The following PARD3B variants were observed in gnomAD, a reference collection of about 807,000 sequenced individuals.
PARD3B encodes partitioning defective 3 homolog B.
A neutral mutation model predicts 130.2 loss-of-function variants in PARD3B; 103 were observed. The observed-to-expected ratio is 0.79, with a 90% CI of 0.67 to 0.93. The LOEUF is 0.93. PARD3B is among the 40% of genes least tolerant of loss of function. The probability of loss-of-function intolerance (pLI) is 0.00; values close to 1 mark genes in which losing one functional copy is unlikely to be tolerated. For missense variants in PARD3B, 1,609 were observed against 1,499.2 expected, an observed-to-expected ratio of 1.07 and a Z score of -1.21; for synonymous variants, 583 against 553.2, an observed-to-expected ratio of 1.05 and a Z score of -0.76.
chr2:204,572,222 G>C (rs2032042551), intron 1 of PARD3B, among the ~76,000 whole-genome samples: 1 of 152,298 alleles, frequency 6.6e-6, no homozygotes, highest in South Asian at 2.1e-4. Flanking sequence ...TGAGATGAAA[G>C]CTTTCTAAGA....
rs181805007 is a variant in PARD3B at position 205,113,504 on chromosome 2, A to G, written c.607A>G (p.Thr203Ala). 3.4e-5 allele frequency: 55 copies of G among 1,613,188 alleles called. No homozygotes were observed. The African/African-American group carries it at 5.6e-4, about 16-fold the overall frequency. ...TTTCTGCCCCAGTGATATGACAAGA[A>G]CAGTGGAGATTTCTGGGGAAGGAGG... Reference protein sequence around the residue: ...TKDTLSDMTRTVEISGEGGPL... With the variant: ...TKDTLSDMTRAVEISGEGGPL... Residue 203 changes from threonine (T) to alanine (A), a missense_variant, in exon 6 of 23, where the codon ACA (threonine) becomes GCA (alanine). Transcript: ENST00000406610.
At chr2:205,375,673 C>G (rs1228654164) in intron 18 of PARD3B, among the ~76,000 whole-genome samples, 1 of 151,958 alleles carries the variant, frequency 6.6e-6, no homozygotes, top group African/African-American at 2.4e-5. Context: ...AGAGAGAGAA[C>G]GCACATGTTT....
chr2:205,385,807 G>A (rs1389749334), intron 18 of PARD3B, among the ~76,000 whole-genome samples: 3 of 152,010 alleles, frequency 2.0e-5, no homozygotes, highest in Non-Finnish European at 2.9e-5. Flanking sequence ...GCATATATAC[G>A]TACATATAAA....
chr2:205,125,881 T>A lies in PARD3B; in HGVS notation c.1434+144T>A. The A allele has an allele frequency of 9.7e-6, 11 of 1,130,100 alleles. No individual in the cohort carries two copies. The highest frequency in any genetic ancestry group is 1.4e-5 in the Non-Finnish European group (11 of 800,430). 70.0% of individuals were successfully genotyped at this position (1,130,100 alleles called of 1,614,324 possible). On this transcript the variant is annotated intron_variant, in intron 10 of 22. Coordinates refer to ENST00000406610, the MANE Select transcript of PARD3B (RefSeq NM_001302769.2). The surrounding 1 kb of genome is among the most constrained non-coding windows in gnomAD (Gnocchi z 4.0). The stretch of plus-strand genomic sequence containing the variant: ...ATCACACTCAGGGTATTTTACCCCA[T>A]TTGGGGTATCGCATTTTTAAAACAT...
At chr2:204,580,049 GT>G (rs2032472369) in intron 1 of PARD3B, among the ~76,000 whole-genome samples, 2 of 152,080 alleles carry the variant, frequency 1.3e-5, no homozygotes, top group South Asian at 4.1e-4. Flanking sequence ...TCCCTTCCTT[GT>G]TCGTTCATTC....
At chr2:204,953,583 TATC>T (rs1689997493) in intron 2 of PARD3B, among the ~76,000 whole-genome samples, 1 of 152,142 alleles carries the variant, frequency 6.6e-6, no homozygotes, top group South Asian at 2.1e-4. Flanking sequence ...GGGGGAGTTA[TATC>T]ATCATATCTT....
chr2:205,429,939 T>C (rs1179966966), intron 19 of PARD3B, among the ~76,000 whole-genome samples: 2 of 152,214 alleles, frequency 1.3e-5, no homozygotes, highest in Non-Finnish European at 2.9e-5. Context: ...GACACATGGC[T>C]CCAATTTCTG....
At position 205,616,894 on chromosome 2, in the gene PARD3B, AG is replaced by A. The variant is rs1428677037; in HGVS notation, c.*1082del. 3.9e-5 allele frequency: 6 copies of A among 154,160 alleles called. No homozygotes were observed. The highest frequency in any genetic ancestry group is 2.0e-4 in the South Asian group (1 of 4,906). The allele number at this position is 154,160 out of a possible 1,614,324, so 9.5% of individuals were successfully genotyped here. On this transcript the variant is annotated 3_prime_UTR_variant, in exon 23 of 23. Transcript: ENST00000406610. Reference sequence around the variant, plus strand: ...GGTATTAGATGGAAGTGAATGAGAGAGAGAGAGAGAGAGAGTATGTGTGTGT... The same window carrying A: ...GGTATTAGATGGAAGTGAATGAGAGAAGAGAGAGAGAGAGTATGTGTGTGT...
chr2:205,372,176 A>G (rs183252315), intron 18 of PARD3B, among the ~76,000 whole-genome samples: 14 of 152,328 alleles, frequency 9.2e-5, no homozygotes, highest in Admixed American at 1.3e-4. Flanking sequence ...TATATATTTA[A>G]GAGTGGAATT....
At chr2:205,306,915 G>T (rs1335133856) in intron 18 of PARD3B, among the ~76,000 whole-genome samples, 1 of 152,154 alleles carries the variant, frequency 6.6e-6, no homozygotes, top group Non-Finnish European at 1.5e-5. Context: ...AAAAAAGATT[G>T]ATTGCTTTAA....
At position 205,363,129 on chromosome 2, in the gene PARD3B, T is replaced by A. The variant is rs2044459875; in HGVS notation, c.2631-37884T>A. On this transcript the variant is annotated intron_variant, in intron 18 of 22. Transcript: ENST00000406610. ...TTAAAATGCTGTGTTCTCTTCGAAA[T>A]CAAGCACAGGAAGCCATCAGCAACA... 3.9e-5 allele frequency among the ~76,000 whole-genome samples: 6 copies of A among 152,114 alleles called. No homozygotes were observed. In the South Asian group the frequency reaches 1.2e-3, roughly 31 times the overall value.
chr2:205,566,090 AAC>A (rs1303170662), intron 22 of PARD3B, among the ~76,000 whole-genome samples: 2 of 152,172 alleles, frequency 1.3e-5, no homozygotes, highest in African/African-American at 4.8e-5. Flanking sequence ...ACACGTAATG[AAC>A]AGACTGAAAG....
At chr2:205,270,334 C>T (rs553293647) in intron 16 of PARD3B, among the ~76,000 whole-genome samples, 3 of 151,878 alleles carry the variant, frequency 2.0e-5, no homozygotes, top group South Asian at 4.2e-4. Flanking sequence ...TTTGGGAGGC[C>T]GAGGCAGGCG....
At chr2:204,552,228 T>A (rs571156839) in intron 1 of PARD3B, among the ~76,000 whole-genome samples, 3 of 152,182 alleles carry the variant, frequency 2.0e-5, no homozygotes, top group Non-Finnish European at 4.4e-5. Flanking sequence ...AAAGGGATCT[T>A]CAGCCACTCT....
intron 19 of PARD3B, among the ~76,000 whole-genome samples, chr2:205,436,592 A>T (rs917600288): frequency 1.3e-5 from 2 of 151,014 alleles, no homozygotes; most frequent in African/African-American, 2.4e-5. Context: ...AATTTTCTTT[A>T]AAAAAAAATC....
At chr2:205,527,709 G>T (rs902904866) in intron 21 of PARD3B, among the ~76,000 whole-genome samples, 1 of 152,112 alleles carries the variant, frequency 6.6e-6, no homozygotes, top group South Asian at 2.1e-4. Context: ...TTCATTCTTC[G>T]TATCCGATGA....
At chr2:205,206,080 C>CT (rs946520684) in intron 15 of PARD3B, among the ~76,000 whole-genome samples, 2 of 151,332 alleles carry the variant, frequency 1.3e-5, no homozygotes, top group East Asian at 1.9e-4. Context: ...TGGTCCTGGG[C>CT]TTTTTTTTGG....
At chr2:204,737,755 A>G (rs2039822253) in intron 2 of PARD3B, among the ~76,000 whole-genome samples, 1 of 152,128 alleles carries the variant, frequency 6.6e-6, no homozygotes, top group South Asian at 2.1e-4. Context: ...TTTTGTATGA[A>G]GTGAGATATA....
intron 4 of PARD3B, chr2:205,048,550 T>G (rs1698959654): frequency 6.6e-6 from 1 of 152,184 alleles, no homozygotes; most frequent in African/African-American, 2.4e-5. Flanking sequence ...AAAAATTCCC[T>G]AAAAGCAAGA....
Sources: gnomAD v4.1 joint callset for allele counts (sites outside exome capture counted in the v4.1 genomes callset) on GRCh38, gnomAD v4.1.1 for gene constraint, Gnocchi (gnomAD v3.1) non-coding constraint, MANE v1.5 for transcripts, NCBI Gene and HGNC (gene_info 2026-07-23, HGNC 2026-07-21) for gene names.